The following TTC39B variants were observed in gnomAD, a reference collection of about 807,000 sequenced individuals.
TTC39B encodes tetratricopeptide repeat domain 39B, also known as tetratricopeptide repeat protein 39B.
TTC39B carries 92 observed loss-of-function variants against 96.6 expected under a neutral mutation model. The ratio of observed to expected loss-of-function variants is 0.95; its 90% CI spans 0.80 to 1.13. TTC39B has a LOEUF of 1.13. TTC39B is among the 50% of genes most tolerant of loss of function. TTC39B has a pLI of 0.00. For missense variants in TTC39B, 955 were observed against 809.3 expected (o/e 1.18, Z -2.18); for synonymous variants, 367 against 299.4 (o/e 1.23, Z -2.33).
intron 2 of TTC39B, chr9:15,232,192 T>A (rs1821461841): frequency 6.6e-6 from 1 of 152,658 alleles, no homozygotes; most frequent in African/African-American, 2.4e-5. Context: ...CATCTGCTTG[T>A]GCGGCAAATG....
chr9:15,203,556 T>A (rs958449116), intron 7 of TTC39B, among the ~76,000 whole-genome samples: 2 of 152,092 alleles, frequency 1.3e-5, no homozygotes, highest in Non-Finnish European at 2.9e-5. Flanking sequence ...CCACCCTGCC[T>A]GGCCTAAAGT....
chr9:15,231,443 T>C (rs1821416608), intron 2 of TTC39B, among the ~76,000 whole-genome samples: 1 of 152,240 alleles, frequency 6.6e-6, no homozygotes, highest in South Asian at 2.1e-4. Flanking sequence ...ATTTGCTTAA[T>C]GACTAATAAT....
intron 8 of TTC39B, among the ~76,000 whole-genome samples, chr9:15,198,896 T>A (rs1007372602): frequency 6.6e-6 from 1 of 152,210 alleles, no homozygotes; most frequent in Non-Finnish European, 1.5e-5. Context: ...AGTGCCTATA[T>A]GAATATTAGA....
At chr9:15,296,381 G>A (rs1824375850) in intron 1 of TTC39B, among the ~76,000 whole-genome samples, 1 of 152,208 alleles carries the variant, frequency 6.6e-6, no homozygotes, top group Non-Finnish European at 1.5e-5. Flanking sequence ...GAAAGGGAAA[G>A]TGAAACCAAA....
At chr9:15,229,261 A>G (rs1292398153) in intron 2 of TTC39B, among the ~76,000 whole-genome samples, 1 of 152,210 alleles carries the variant, frequency 6.6e-6, no homozygotes, top group African/African-American at 2.4e-5. Context: ...GAAATAACTC[A>G]TCTACTTGTT....
At chr9:15,255,648 A>G (rs2131520056) in intron 2 of TTC39B, among the ~76,000 whole-genome samples, 1 of 152,282 alleles carries the variant, frequency 6.6e-6, no homozygotes, top group African/African-American at 2.4e-5. Context: ...CAATGAGCTC[A>G]CTGTATCCTT....
intron 17 of TTC39B, among the ~76,000 whole-genome samples, chr9:15,181,011 G>C (rs1463133681): frequency 6.6e-6 from 1 of 152,130 alleles, no homozygotes; most frequent in East Asian, 1.9e-4. Context: ...ATGTCATTAA[G>C]AGAAAAAGGA....
chr9:15,280,406 T>C (rs542161350), intron 1 of TTC39B, among the ~76,000 whole-genome samples: 11 of 152,322 alleles, frequency 7.2e-5, no homozygotes, highest in Admixed American at 3.9e-4. Flanking sequence ...CCCTACCGCA[T>C]TGGATGCTTT....
At chr9:15,204,128 G>C (rs1819704701) in intron 6 of TTC39B, among the ~76,000 whole-genome samples, 1 of 152,208 alleles carries the variant, frequency 6.6e-6, no homozygotes, top group South Asian at 2.1e-4. Context: ...ACTGCAAAGA[G>C]TCAGTCACTT....
chr9:15,183,249 C>A (rs1818337133), intron 16 of TTC39B: 2 of 332,160 alleles, frequency 6.0e-6, no homozygotes, highest in Admixed American at 4.3e-5. Context: ...TCTTATGGCA[C>A]CGAAAACTAA....
At chr9:15,270,291 G>A (rs1823295346) in intron 1 of TTC39B, among the ~76,000 whole-genome samples, 2 of 152,142 alleles carry the variant, frequency 1.3e-5, no homozygotes, top group African/African-American at 4.8e-5. Context: ...CCAGCACACA[G>A]GTTATCATGT....
At chr9:15,268,042 G>C (rs1823202497) in intron 1 of TTC39B, 94 bp from the exon 2 acceptor site, 3 of 1,129,302 alleles carry the variant, frequency 2.7e-6, no homozygotes, top group South Asian at 1.3e-5. Context: ...GCATTGGGGA[G>C]AGTGGTCCTG....
At chr9:15,218,635 A>AAAAAAAATATATATATATATAT in intron 3 of TTC39B, among the ~76,000 whole-genome samples, 1 of 149,530 alleles carries the variant, frequency 6.7e-6, no homozygotes, top group African/African-American at 2.5e-5. Context: ...GTCTATTTTA[A>AAAAAAAATATATATATATATAT]ATATATATAT....
At chr9:15,228,877 T>C (rs1174416745) in intron 2 of TTC39B, among the ~76,000 whole-genome samples, 2 of 152,222 alleles carry the variant, frequency 1.3e-5, no homozygotes, top group African/African-American at 4.8e-5. Flanking sequence ...CAAAATAATG[T>C]TACATTTTAT....
chr9:15,239,031 C>T (rs938107201), intron 2 of TTC39B, among the ~76,000 whole-genome samples: 1 of 152,164 alleles, frequency 6.6e-6, no homozygotes, highest in African/African-American at 2.4e-5. Context: ...AAAAGACTAA[C>T]ATCCAGAATC....
chr9:15,240,106 G>C (rs1219985489), intron 2 of TTC39B, among the ~76,000 whole-genome samples: 4 of 152,180 alleles, frequency 2.6e-5, no homozygotes, highest in African/African-American at 9.7e-5. Flanking sequence ...TCAGAGGAAG[G>C]AGGAGGTGCT....
intron 17 of TTC39B, among the ~76,000 whole-genome samples, chr9:15,180,115 C>T (rs1460240144): frequency 6.6e-6 from 1 of 152,112 alleles, no homozygotes; most frequent in African/African-American, 2.4e-5. Flanking sequence ...AATTTTACGA[C>T]AAAAGATCCG....
intron 17 of TTC39B, among the ~76,000 whole-genome samples, chr9:15,181,582 C>A (rs1818252112): frequency 1.3e-5 from 2 of 152,170 alleles, no homozygotes; most frequent in Non-Finnish European, 2.9e-5. Context: ...TCAGCTGCTT[C>A]CGGTAAACTG....
intron 13 of TTC39B, among the ~76,000 whole-genome samples, chr9:15,188,505 A>G (rs1818666695): frequency 6.6e-6 from 1 of 152,248 alleles, no homozygotes; most frequent in Non-Finnish European, 1.5e-5. Flanking sequence ...CGTAACTGGC[A>G]AAAGGTTAAC....
Sources: allele counts gnomAD v4.1 joint callset (sites outside exome capture counted in the v4.1 genomes callset), GRCh38; gene constraint gnomAD v4.1.1; transcripts MANE v1.5; gene names NCBI Gene and HGNC (gene_info 2026-07-23, HGNC 2026-07-21).